USH2A: variants seen among roughly 807,000 people sequenced by gnomAD.
The protein encoded by USH2A is usherin.
USH2A carries 443 observed loss-of-function variants against 538.9 expected under a neutral mutation model. The ratio of observed to expected loss-of-function variants is 0.82; its 90% CI spans 0.76 to 0.89. USH2A has a LOEUF of 0.89. USH2A is among the 40% of genes least tolerant of loss of function. USH2A has a pLI of 0.00. For missense variants in USH2A, 6,633 were observed against 6,324.8 expected, an observed-to-expected ratio of 1.05 and a Z score of -1.65; for synonymous variants, 2,413 against 2,273.5, an observed-to-expected ratio of 1.06 and a Z score of -1.75.
intron 63 of USH2A, 103 bp downstream of exon 63, chr1:215,673,997 T>C (rs1657906977): frequency 1.3e-6 from 2 of 1,597,388 alleles, no homozygotes; most frequent in South Asian, 2.2e-5. Context: ...TGGGGACACC[T>C]TGCATCCCAT....
chr1:216,259,069 A>G (rs1025572425), intron 11 of USH2A, among the ~76,000 whole-genome samples: 6 of 152,082 alleles, frequency 3.9e-5, no homozygotes, highest in African/African-American at 2.4e-5. Flanking sequence ...CAAAAACCTC[A>G]TGCCATCCTT....
chr1:215,817,507 A>AC, intron 47 of USH2A, among the ~76,000 whole-genome samples: 1 of 152,034 alleles, frequency 6.6e-6, no homozygotes, highest in East Asian at 1.9e-4. Context: ...AAACAAGGTG[A>AC]CAATTAGAAC....
At chr1:216,370,473 AG>A (rs1228706063) in intron 3 of USH2A, among the ~76,000 whole-genome samples, 1 of 151,878 alleles carries the variant, frequency 6.6e-6, no homozygotes, top group East Asian at 1.9e-4. Flanking sequence ...AGAGGTAAAG[AG>A]TTCAAAACCA....
chr1:216,148,102 C>T (rs1463853271), intron 21 of USH2A, among the ~76,000 whole-genome samples: 5 of 151,826 alleles, frequency 3.3e-5, no homozygotes, highest in South Asian at 2.1e-4. Context: ...AAGGTAAGCC[C>T]GTCCCCTTCT....
At chr1:216,347,017 T>C (rs948319725) in intron 4 of USH2A, among the ~76,000 whole-genome samples, 3 of 152,224 alleles carry the variant, frequency 2.0e-5, no homozygotes, top group Non-Finnish European at 4.4e-5. Flanking sequence ...TAAAAACAGC[T>C]TTAAAAATTA....
chr1:216,288,277 A>G (rs920856832), intron 11 of USH2A, among the ~76,000 whole-genome samples: 1 of 152,182 alleles, frequency 6.6e-6, no homozygotes, highest in African/African-American at 2.4e-5. Flanking sequence ...ATATTATAAA[A>G]TAAAAATAGT....
intron 40 of USH2A, among the ~76,000 whole-genome samples, chr1:215,896,057 T>C (rs985995495): frequency 1.3e-5 from 2 of 152,210 alleles, no homozygotes; most frequent in African/African-American, 4.8e-5. Context: ...AACTGAAATG[T>C]TGTGCAGCAT....
intron 26 of USH2A, among the ~76,000 whole-genome samples, chr1:216,080,510 G>A (rs1392677693): frequency 2.0e-5 from 3 of 152,030 alleles, no homozygotes; most frequent in African/African-American, 7.2e-5. Context: ...CTAATGTACA[G>A]TCATTTTAGG....
chr1:215,731,169 G>C (rs1041357676), intron 60 of USH2A, among the ~76,000 whole-genome samples: 1 of 152,182 alleles, frequency 6.6e-6, no homozygotes, highest in East Asian at 1.9e-4. Flanking sequence ...TTGCCTAAAA[G>C]TGGGGTTTTA....
intron 3 of USH2A, among the ~76,000 whole-genome samples, chr1:216,370,965 A>G (rs1052426217): frequency 6.6e-6 from 1 of 152,034 alleles, no homozygotes. Context: ...CATTTTCCCT[A>G]TATCATCCCA....
intron 3 of USH2A, among the ~76,000 whole-genome samples, chr1:216,417,803 G>A (rs1039795787): frequency 6.6e-6 from 1 of 151,914 alleles, no homozygotes; most frequent in Non-Finnish European, 1.5e-5. Flanking sequence ...CCCAGTCTCC[G>A]GTATTTTTTA....
At chr1:215,726,656 CTGTT>C (rs1659826993) in intron 61 of USH2A, among the ~76,000 whole-genome samples, 1 of 151,988 alleles carries the variant, frequency 6.6e-6, no homozygotes, top group Non-Finnish European at 1.5e-5. Flanking sequence ...TTTAGTTTGT[CTGTT>C]TATTTGTTCT....
intron 3 of USH2A, among the ~76,000 whole-genome samples, chr1:216,394,872 C>G (rs907372788): frequency 6.6e-6 from 1 of 151,860 alleles, no homozygotes; most frequent in African/African-American, 2.4e-5. Flanking sequence ...GCGCCCGCCA[C>G]CACGCCCGGC....
At chr1:215,971,993 A>C (rs554337865) in intron 35 of USH2A, among the ~76,000 whole-genome samples, 1 of 152,286 alleles carries the variant, frequency 6.6e-6, no homozygotes, top group Non-Finnish European at 1.5e-5. Flanking sequence ...TTGGTAATGA[A>C]AGGTGGTGAA....
intron 4 of USH2A, among the ~76,000 whole-genome samples, chr1:216,350,092 A>G (rs2102689313): frequency 6.6e-6 from 1 of 152,248 alleles, no homozygotes; most frequent in South Asian, 2.1e-4. Context: ...GGAAAGCAGG[A>G]GCAAAGTGGG....
intron 30 of USH2A, among the ~76,000 whole-genome samples, chr1:216,060,233 C>T (rs1178572402): frequency 1.3e-5 from 2 of 152,110 alleles, no homozygotes; most frequent in African/African-American, 4.8e-5. Flanking sequence ...AAATACTAGC[C>T]CAGATGTACA....
At chr1:215,783,230 G>A (rs1661700373) in intron 52 of USH2A, among the ~76,000 whole-genome samples, 1 of 152,126 alleles carries the variant, frequency 6.6e-6, no homozygotes, top group Non-Finnish European at 1.5e-5. Flanking sequence ...TGTATAATAA[G>A]ATTTAGTGCT....
intron 37 of USH2A, among the ~76,000 whole-genome samples, chr1:215,949,910 CA>C (rs1558177594): frequency 6.6e-6 from 1 of 151,538 alleles, no homozygotes; most frequent in African/African-American, 2.4e-5. Context: ...TGTGAGCAGA[CA>C]AAAAAAGAAA....
intron 9 of USH2A, among the ~76,000 whole-genome samples, chr1:216,306,162 G>T (rs952500023): frequency 6.6e-6 from 1 of 151,790 alleles, no homozygotes; most frequent in African/African-American, 2.4e-5. Flanking sequence ...CTTAGATTTG[G>T]TCGTTTAACA....
Sources: gnomAD v4.1 joint callset for allele counts (sites outside exome capture counted in the v4.1 genomes callset) on GRCh38, gnomAD v4.1.1 for gene constraint, MANE v1.5 for transcripts, NCBI Gene and HGNC (gene_info 2026-07-23, HGNC 2026-07-21) for gene names.